The following RNF144A variants were observed in gnomAD, a reference collection of about 807,000 sequenced individuals.
RNF144A encodes the protein ring finger protein 144A.
A neutral mutation model predicts 38.7 loss-of-function variants in RNF144A; 11 were observed. That is an observed-to-expected ratio of 0.28 (90% CI 0.18 to 0.47). The LOEUF is 0.47. Ranked by LOEUF, RNF144A falls within the 20% of genes least tolerant of loss-of-function variation. RNF144A has a pLI of 0.99. For missense variants in RNF144A, 316 were observed against 377.2 expected (o/e 0.84, Z 1.34); for synonymous variants, 149 against 143.9 (o/e 1.04, Z -0.25).
At position 7,058,056 on chromosome 2, in the gene RNF144A, G is replaced by A. The variant is rs377058508; in HGVS notation, c.735-10160G>A. Among the ~76,000 whole-genome samples, 68 of 152,268 alleles carry A rather than the reference G, an allele frequency of 4.5e-4. No individual in the cohort carries two copies. In the East Asian group the frequency reaches 0.012, roughly 28 times the overall value. On this transcript the variant is annotated intron_variant, in intron 6 of 6. Transcript: ENST00000432850. ...GTCATTTAATCCTCACAACATGAAAGAGGCAAAGATAACTATCTTCTTTTT... is the reference window on the plus strand; with the variant it reads ...GTCATTTAATCCTCACAACATGAAAAAGGCAAAGATAACTATCTTCTTTTT...
chr2:6,954,157 C>G (rs1439157303), intron 2 of RNF144A, among the ~76,000 whole-genome samples: 2 of 152,022 alleles, frequency 1.3e-5, no homozygotes, highest in Non-Finnish European at 2.9e-5. Flanking sequence ...TCTTGGCTAT[C>G]AAGCTTAATC....
chr2:6,985,267 C>G (rs912841820), intron 2 of RNF144A, among the ~76,000 whole-genome samples: 12 of 88,578 alleles, frequency 1.4e-4, no homozygotes, highest in Admixed American at 2.6e-4. Flanking sequence ...CTCCCTCCCC[C>G]CTCTTTTTTT....
chr2:6,958,327 A>T lies in RNF144A; in HGVS notation c.-12+17180A>T, dbSNP rs1488194374. The stretch of plus-strand genomic sequence containing the variant: ...CTGCCGTGCCAGAGACAGAACAGAC[A>T]CACGGACAAGGGCAAGCCTTCCTTG... On this transcript the variant is annotated intron_variant, in intron 2 of 8. Transcript: ENST00000320892. This position sits in a 1 kb window ranked among gnomAD's most constrained non-coding sequence, Gnocchi z 4.5. Among the ~76,000 whole-genome samples, 1 of 152,224 alleles carries T rather than the reference A, an allele frequency of 6.6e-6. No homozygotes were observed. Among genetic ancestry groups the T allele is most frequent in the African/African-American group, 2.4e-5 (1 of 41,464 alleles).
intron 2 of RNF144A, among the ~76,000 whole-genome samples, chr2:6,950,349 G>A (rs967612926): frequency 2.0e-5 from 3 of 152,092 alleles, no homozygotes; most frequent in African/African-American, 2.4e-5. Context: ...AGATTTAACC[G>A]CGTTGTTTTG....
At chr2:7,048,019 A>G (rs989691085), downstream of RNF144A, among the ~76,000 whole-genome samples, 2 of 152,130 alleles carry the variant, frequency 1.3e-5, no homozygotes, top group Admixed American at 6.5e-5. Flanking sequence ...TGTCTCAGCC[A>G]TGTGGGGTGG....
intron 2 of RNF144A, among the ~76,000 whole-genome samples, chr2:6,953,962 C>G (rs1037751137): frequency 1.3e-5 from 2 of 151,852 alleles, no homozygotes; most frequent in African/African-American, 4.8e-5. Context: ...TGAATTAAGA[C>G]TTTTATAATG....
chr2:6,943,617 G>A lies in RNF144A; in HGVS notation c.-12+2470G>A, dbSNP rs972362635. ...TGGAGGGCTGCTGAAAACACTTCTT[G>A]AGTAGGAGAGAGAGATGGGTTTGTG... On this transcript the variant is annotated intron_variant, in intron 2 of 8. Transcript: ENST00000320892. The surrounding 1 kb of genome is among the most constrained non-coding windows in gnomAD (Gnocchi z 4.3). 2.6e-5 allele frequency among the ~76,000 whole-genome samples: 4 copies of A among 152,292 alleles called. No homozygotes were observed. Among genetic ancestry groups the A allele is most frequent in the South Asian group, 2.1e-4 (1 of 4,824 alleles).
intron 2 of RNF144A, among the ~76,000 whole-genome samples, chr2:6,990,977 T>C (rs1446112116): frequency 6.6e-6 from 1 of 152,228 alleles, no homozygotes; most frequent in East Asian, 1.9e-4. Flanking sequence ...GGTAGTAATA[T>C]GCTTTTAAAT....
At chr2:6,987,269 C>G (rs1316535593) in intron 2 of RNF144A, among the ~76,000 whole-genome samples, 1 of 152,230 alleles carries the variant, frequency 6.6e-6, no homozygotes, top group Non-Finnish European at 1.5e-5. Context: ...AGAAGCTGGT[C>G]TGCAGATCTG....
In RNF144A at chr2:6,932,113, G is replaced by A. The variant is rs185825898; in HGVS notation, c.-211-8835G>A. 2.5e-3 allele frequency among the ~76,000 whole-genome samples: 382 copies of A among 152,250 alleles called. 1 individual carries two copies. The highest frequency in any genetic ancestry group is 8.8e-3 in the African/African-American group (367 of 41,562). ...GATGCTCTGTTGTAGGGTATTACAT[G>A]TTTAGCATTGTTATGTCTTGGAAAA... is the stretch of plus-strand genomic sequence containing the variant. On this transcript the variant is annotated intron_variant, in intron 1 of 8. Transcript: ENST00000320892.
At chr2:6,996,876 G>A in intron 2 of RNF144A, 40 bp from the exon 3 acceptor site, 2 of 1,598,678 alleles carry the variant, frequency 1.3e-6, no homozygotes, top group Non-Finnish European at 1.7e-6. Context: ...TGGATGCCAG[G>A]GGTGGGGAGG....
chr2:6,954,614 T>C (rs988646551), intron 2 of RNF144A, among the ~76,000 whole-genome samples: 1 of 152,238 alleles, frequency 6.6e-6, no homozygotes, highest in Non-Finnish European at 1.5e-5. Context: ...GCTCAAAACC[T>C]GTTTCATCAT....
chr2:6,974,954 G>T (rs545725259), intron 2 of RNF144A, among the ~76,000 whole-genome samples: 4 of 152,192 alleles, frequency 2.6e-5, no homozygotes, highest in Non-Finnish European at 5.9e-5. Flanking sequence ...ATGATTGCTT[G>T]GTTATAACCG....
chr2:7,020,573 G>A lies in RNF144A; in HGVS notation c.402G>A (p.Gln134=), dbSNP rs1671455005. The change falls in exon 6 of 9, where the codon CAG becomes CAA. Residue 134 remains glutamine, a synonymous_variant. Transcript: ENST00000320892. ...GGCTGCAGACCCCCCAGCCAGTGCA[G>A]TGCAAAGCCTGCCGTATGGAATTCT... ...DVGLQTPQPV[Q]CKACRMEFCS... 1.2e-6 allele frequency: 2 copies of A among 1,612,980 alleles called. No homozygotes were observed. Among genetic ancestry groups the A allele is most frequent in the African/African-American group, 2.7e-5 (2 of 74,936 alleles).
intron 2 of RNF144A, among the ~76,000 whole-genome samples, chr2:6,959,121 T>G (rs1159956394): frequency 2.0e-5 from 3 of 152,186 alleles, no homozygotes; most frequent in Admixed American, 6.5e-5. Context: ...TCTGCATCCC[T>G]GTGGCCAAGT....
At chr2:6,948,453 G>C (rs59422985) in intron 2 of RNF144A, among the ~76,000 whole-genome samples, 1 of 152,168 alleles carries the variant, frequency 6.6e-6, no homozygotes, top group Non-Finnish European at 1.5e-5. Flanking sequence ...TGGTTATTTT[G>C]CTGGCTTAAA....
Position 6,923,276 on chromosome 2 carries a change from C to T in RNF144A, c.-212+5654C>T, listed in dbSNP as rs368808951. Among the ~76,000 whole-genome samples the T allele has an allele frequency of 5.9e-5, 9 of 152,310 alleles. No homozygotes were observed. In the East Asian group the frequency reaches 1.3e-3, roughly 23 times the overall value. On this transcript the variant is annotated intron_variant, in intron 1 of 8. Coordinates refer to ENST00000320892, the MANE Select transcript of RNF144A (RefSeq NM_014746.6). ...CCTCAAGTTCAAACATTCACTGAAA[C>T]GGAAATGCGCTGAAGCTGGAATCAA... is the stretch of plus-strand genomic sequence containing the variant.
chr2:7,050,339 T>C (rs1382417142), intron 6 of RNF144A, among the ~76,000 whole-genome samples: 1 of 152,228 alleles, frequency 6.6e-6, no homozygotes, highest in East Asian at 1.9e-4. Context: ...TGCCGCCAAG[T>C]AAGACATGAC....
chr2:7,046,795 G>C (rs557232420), downstream of RNF144A, among the ~76,000 whole-genome samples: 39 of 152,318 alleles, frequency 2.6e-4, no homozygotes, highest in African/African-American at 9.1e-4. Flanking sequence ...TTTCATATTG[G>C]AAAATCTGAA....
Sources: allele counts gnomAD v4.1 joint callset (sites outside exome capture counted in the v4.1 genomes callset), GRCh38; gene constraint gnomAD v4.1.1; non-coding constraint Gnocchi (gnomAD v3.1); transcripts MANE v1.5; gene names NCBI Gene and HGNC (gene_info 2026-07-23, HGNC 2026-07-21).